The following PKP4 variants were observed in gnomAD, a reference collection of about 807,000 sequenced individuals.
The protein encoded by PKP4 is plakophilin-4.
Under a neutral mutation model 145.1 loss-of-function variants are expected in PKP4, and 90 were observed. That is an observed-to-expected ratio of 0.62 (90% CI 0.52 to 0.74). PKP4 has a LOEUF of 0.74. Ranked by LOEUF, PKP4 falls within the 30% of genes least tolerant of loss-of-function variation. The probability of loss-of-function intolerance (pLI) is 0.00; values close to 1 mark genes in which losing one functional copy is unlikely to be tolerated. For missense variants in PKP4, 1,340 were observed against 1,482.7 expected, an observed-to-expected ratio of 0.90 and a Z score of 1.58; for synonymous variants, 563 against 577.2, an observed-to-expected ratio of 0.98 and a Z score of 0.35.
intron 20 of PKP4, chr2:158,677,404 A>T (rs747350967): frequency 6.3e-5 from 12 of 190,194 alleles, no homozygotes; most frequent in African/African-American, 1.2e-4. Context: ...ATAATGTTAC[A>T]TAGTGTTAAT....
At chr2:158,459,699 T>G (rs977439468) in intron 1 of PKP4, among the ~76,000 whole-genome samples, 12 of 152,134 alleles carry the variant, frequency 7.9e-5, no homozygotes, top group African/African-American at 2.9e-4. Context: ...TAACCCGTGC[T>G]TTTTTGACTT....
intron 3 of PKP4, among the ~76,000 whole-genome samples, chr2:158,583,744 AG>A (rs1250448426): frequency 6.6e-6 from 1 of 152,166 alleles, no homozygotes; most frequent in African/African-American, 2.4e-5. Context: ...TTTAATTTTG[AG>A]GTAATTCCCC....
intron 7 of PKP4, among the ~76,000 whole-genome samples, chr2:158,626,982 A>C (rs1191453670): frequency 1.3e-5 from 2 of 152,158 alleles, no homozygotes; most frequent in African/African-American, 4.8e-5. Flanking sequence ...TAGTAAAATT[A>C]GTATCTTTTT....
chr2:158,664,752 T>G (rs1428565387), intron 15 of PKP4, among the ~76,000 whole-genome samples: 1 of 152,244 alleles, frequency 6.6e-6, no homozygotes, highest in Non-Finnish European at 1.5e-5. Context: ...GCCACTCTGC[T>G]TACCGTCTGG....
chr2:158,629,423 C>T (rs925775599), intron 7 of PKP4, among the ~76,000 whole-genome samples: 7 of 152,142 alleles, frequency 4.6e-5, no homozygotes, highest in Non-Finnish European at 8.8e-5. Context: ...TCTGTTTCCT[C>T]GGTTTTGAAA....
chr2:158,526,565 A>C (rs2042969804), intron 1 of PKP4, among the ~76,000 whole-genome samples: 1 of 77,942 alleles, frequency 1.3e-5, no homozygotes, highest in Admixed American at 1.8e-4. Context: ...TTCCCTTTGA[A>C]AACTGGCACA....
intron 7 of PKP4, among the ~76,000 whole-genome samples, chr2:158,630,600 A>G (rs2053254226): frequency 6.6e-6 from 1 of 152,238 alleles, no homozygotes; most frequent in Non-Finnish European, 1.5e-5. Context: ...CAGCTTTTAA[A>G]CATCAGCCTT....
intron 2 of PKP4, among the ~76,000 whole-genome samples, chr2:158,565,630 G>A (rs1458577500): frequency 6.6e-6 from 1 of 151,890 alleles, no homozygotes; most frequent in African/African-American, 2.4e-5. Flanking sequence ...AGAAAAACAG[G>A]GACATCAAAT....
intron 11 of PKP4, among the ~76,000 whole-genome samples, chr2:158,653,091 T>TGG (rs2055551860): frequency 6.6e-6 from 1 of 152,336 alleles, no homozygotes; most frequent in African/African-American, 2.4e-5. Context: ...TACAAACACT[T>TGG]GGGCTCTTTT....
chr2:158,500,742 A>G (rs1696434176), intron 1 of PKP4, among the ~76,000 whole-genome samples: 1 of 152,244 alleles, frequency 6.6e-6, no homozygotes, highest in Non-Finnish European at 1.5e-5. Context: ...GAGCATGGGA[A>G]GTAAATTCAG....
At chr2:158,643,712 C>CA (rs762303684) in intron 11 of PKP4, among the ~76,000 whole-genome samples, 1,450 of 69,730 alleles carry the variant, frequency 0.021, 25 homozygotes, top group South Asian at 0.087. Context: ...GGCCCTGTTT[C>CA]AAAAAAAAAA....
intron 1 of PKP4, among the ~76,000 whole-genome samples, chr2:158,507,946 T>C (rs2041139342): frequency 6.6e-6 from 1 of 152,092 alleles, no homozygotes; most frequent in Non-Finnish European, 1.5e-5. Context: ...GGAGTGGACT[T>C]CCTTTACCTC....
intron 2 of PKP4, among the ~76,000 whole-genome samples, chr2:158,558,575 T>G (rs547108402): frequency 6.6e-6 from 1 of 151,670 alleles, no homozygotes; most frequent in Non-Finnish European, 1.5e-5. Context: ...TTAGTAACCT[T>G]GGAGAGAACA....
intron 1 of PKP4, among the ~76,000 whole-genome samples, chr2:158,514,141 G>A (rs1375667229): frequency 6.6e-6 from 1 of 152,120 alleles, no homozygotes; most frequent in Non-Finnish European, 1.5e-5. Flanking sequence ...CAGATATGTT[G>A]TCATATCTTC....
chr2:158,661,615 G>A (rs1005994753), intron 13 of PKP4, 165 bp downstream of exon 13: 27 of 539,838 alleles, frequency 5.0e-5, no homozygotes, highest in Middle Eastern at 5.2e-4. Flanking sequence ...GGGCAAGGAC[G>A]TGGCAACTTA....
intron 7 of PKP4, among the ~76,000 whole-genome samples, chr2:158,626,877 A>G (rs541551616): frequency 6.6e-6 from 1 of 152,186 alleles, no homozygotes; most frequent in Non-Finnish European, 1.5e-5. Flanking sequence ...ATAAGCTAGC[A>G]CCTCGTAATA....
intron 11 of PKP4, among the ~76,000 whole-genome samples, chr2:158,652,294 C>A (rs1235624283): frequency 6.6e-6 from 1 of 152,160 alleles, no homozygotes; most frequent in Non-Finnish European, 1.5e-5. Flanking sequence ...CCGTATGGGG[C>A]AGCACAGGTC....
intron 2 of PKP4, among the ~76,000 whole-genome samples, chr2:158,573,348 TATAAA>T (rs1198005698): frequency 6.6e-6 from 1 of 152,198 alleles, no homozygotes; most frequent in Non-Finnish European, 1.5e-5. Context: ...GTAGTAGTAA[TATAAA>T]ATACTCATGT....
intron 4 of PKP4, among the ~76,000 whole-genome samples, chr2:158,609,816 T>C (rs2050972588): frequency 1.3e-5 from 2 of 152,200 alleles, no homozygotes; most frequent in African/African-American, 4.8e-5. Context: ...CAGGAGACTC[T>C]AGCTTGCTTG....
Sources: allele counts gnomAD v4.1 joint callset (sites outside exome capture counted in the v4.1 genomes callset), GRCh38; gene constraint gnomAD v4.1.1; transcripts MANE v1.5; gene names NCBI Gene and HGNC (gene_info 2026-07-23, HGNC 2026-07-21).